The following ASB3 variants were observed in gnomAD, a reference collection of about 807,000 sequenced individuals.
ASB3 encodes the protein ankyrin repeat and SOCS box protein 3.
A neutral mutation model predicts 54.5 loss-of-function variants in ASB3; 41 were observed. The observed-to-expected ratio is 0.75, with a 90% CI of 0.59 to 0.98. ASB3 has a LOEUF of 0.98. Ranked by LOEUF, ASB3 falls within the 50% of genes least tolerant of loss-of-function variation. The pLI is 0.00. For synonymous variants in ASB3, 266 were observed against 221.2 expected (o/e 1.20, Z -1.80); for missense variants, 733 against 620.0 (o/e 1.18, Z -1.94).
intron 7 of ASB3, among the ~76,000 whole-genome samples, chr2:53,703,950 T>C (rs1220554239): frequency 6.6e-6 from 1 of 152,176 alleles, no homozygotes; most frequent in Non-Finnish European, 1.5e-5. Context: ...AATTAGAATA[T>C]CAAATAATTA....
At chr2:53,720,580 G>T (rs56214822) in intron 5 of ASB3, among the ~76,000 whole-genome samples, 7 of 152,042 alleles carry the variant, frequency 4.6e-5, no homozygotes, top group African/African-American at 1.7e-4. Context: ...CAACATTGAA[G>T]CATCCAGTTT....
chr2:53,740,838 G>C (rs1352207697), intron 3 of ASB3, among the ~76,000 whole-genome samples: 1 of 152,098 alleles, frequency 6.6e-6, no homozygotes, highest in Non-Finnish European at 1.5e-5. Flanking sequence ...TCAATCAAAT[G>C]AAAGTATTAA....
chr2:53,750,985 A>G, intron 2 of ASB3, 44 bp from the exon 3 acceptor site: 4 of 1,422,200 alleles, frequency 2.8e-6, no homozygotes, highest in South Asian at 1.8e-5. Context: ...TATTACTTCT[A>G]TTTCCTGGTT....
intron 1 of ASB3, among the ~76,000 whole-genome samples, chr2:53,780,214 C>T (rs1225974809): frequency 6.6e-6 from 1 of 152,188 alleles, no homozygotes; most frequent in South Asian, 2.1e-4. Flanking sequence ...CATTCAACTA[C>T]TTACCATCTG....
intron 9 of ASB3, among the ~76,000 whole-genome samples, chr2:53,675,609 G>C (rs1668043928): frequency 1.3e-5 from 2 of 152,092 alleles, no homozygotes; most frequent in Non-Finnish European, 1.5e-5. Context: ...AGCCTATCTA[G>C]CAATTATGAA....
At chr2:53,724,991 C>T (rs1455083082) in intron 5 of ASB3, among the ~76,000 whole-genome samples, 3 of 152,110 alleles carry the variant, frequency 2.0e-5, no homozygotes, top group Admixed American at 1.3e-4. Context: ...ATGTTCATCA[C>T]GGCACCATTC....
At chr2:53,765,155 G>A (rs1673364976) in intron 2 of ASB3, among the ~76,000 whole-genome samples, 1 of 152,122 alleles carries the variant, frequency 6.6e-6, no homozygotes, top group African/African-American at 2.4e-5. Context: ...ATAAAAAGAG[G>A]CCAGACAGAG....
chr2:53,769,544 C>A (rs1673744190), intron 1 of ASB3, among the ~76,000 whole-genome samples: 1 of 152,182 alleles, frequency 6.6e-6, no homozygotes, highest in African/African-American at 2.4e-5. Flanking sequence ...GTCCGTGATT[C>A]TTTAAAAGGA....
At chr2:53,754,611 T>G (rs1446232364) in intron 2 of ASB3, among the ~76,000 whole-genome samples, 2 of 152,238 alleles carry the variant, frequency 1.3e-5, no homozygotes, top group Non-Finnish European at 2.9e-5. Flanking sequence ...ACTTTGACTC[T>G]GCTAGAAATA....
intron 1 of ASB3, among the ~76,000 whole-genome samples, chr2:53,783,607 G>A (rs1295468406): frequency 6.6e-6 from 1 of 151,910 alleles, no homozygotes; most frequent in African/African-American, 2.4e-5. Flanking sequence ...AAATCTTCCA[G>A]AGAAAAAAGT....
intron 9 of ASB3, among the ~76,000 whole-genome samples, chr2:53,678,278 C>A (rs1175104842): frequency 6.6e-6 from 1 of 151,996 alleles, no homozygotes; most frequent in Admixed American, 6.6e-5. Context: ...AGCTTTATAC[C>A]CTTTGACCTA....
chr2:53,765,235 C>T (rs1572994468), intron 2 of ASB3, 142 bp downstream of exon 2: 1 of 1,213,162 alleles, frequency 8.2e-7, no homozygotes, highest in South Asian at 1.6e-5. Flanking sequence ...TCTTACTATC[C>T]TTAATAAATA....
At chr2:53,767,781 G>C in intron 1 of ASB3, 1 of 1,436,328 alleles carries the variant, frequency 7.0e-7, no homozygotes, top group Non-Finnish European at 9.4e-7. Flanking sequence ...TGGCCATCGC[G>C]CCTGCGCCCC....
intron 9 of ASB3, among the ~76,000 whole-genome samples, chr2:53,684,116 C>G (rs1254976709): frequency 2.6e-5 from 4 of 152,146 alleles, no homozygotes; most frequent in Admixed American, 2.6e-4. Flanking sequence ...AAACCAGTGT[C>G]TGATACACAG....
chr2:53,693,292 T>G (rs1310767342), intron 9 of ASB3, among the ~76,000 whole-genome samples: 1 of 152,210 alleles, frequency 6.6e-6, no homozygotes, highest in Non-Finnish European at 1.5e-5. Context: ...TCTTTCATTT[T>G]TTCAACTAGC....
At chr2:53,677,257 T>C (rs1350609727) in intron 9 of ASB3, among the ~76,000 whole-genome samples, 1 of 152,240 alleles carries the variant, frequency 6.6e-6, no homozygotes, top group African/African-American at 2.4e-5. Flanking sequence ...GAATACTTTA[T>C]AATATTTGCA....
chr2:53,734,643 G>A (rs915438697), intron 3 of ASB3, among the ~76,000 whole-genome samples: 1 of 152,168 alleles, frequency 6.6e-6, no homozygotes, highest in Admixed American at 6.5e-5. Context: ...TTCATGTAAA[G>A]CTATTCCCTT....
chr2:53,711,698 C>T (rs527292950), intron 7 of ASB3, among the ~76,000 whole-genome samples: 3 of 151,860 alleles, frequency 2.0e-5, no homozygotes, highest in South Asian at 4.2e-4. Flanking sequence ...CACTTGAACT[C>T]GGGAGATGGA....
chr2:53,737,070 C>T (rs1478504118), intron 3 of ASB3, among the ~76,000 whole-genome samples: 1 of 152,200 alleles, frequency 6.6e-6, no homozygotes, highest in Admixed American at 6.5e-5. Flanking sequence ...CAGAATTATA[C>T]TTTGGGATAT....
Sources: gnomAD v4.1 joint callset for allele counts (sites outside exome capture counted in the v4.1 genomes callset) on GRCh38, gnomAD v4.1.1 for gene constraint, MANE v1.5 for transcripts, NCBI Gene and HGNC (gene_info 2026-07-23, HGNC 2026-07-21) for gene names.